CFTR: variants seen among roughly 807,000 people sequenced by gnomAD.
The protein encoded by CFTR is cystic fibrosis transmembrane conductance regulator.
A neutral mutation model predicts 171.6 loss-of-function variants in CFTR; 181 were observed. That is an observed-to-expected ratio of 1.05 (90% confidence interval 0.93 to 1.19). The LOEUF (loss-of-function observed/expected upper bound fraction) is 1.19. Ranked by LOEUF, CFTR falls within the 50% of genes most tolerant of loss-of-function variation. CFTR has a pLI of 0.00. For missense variants in CFTR, 1,968 were observed against 1,734.7 expected, an observed-to-expected ratio of 1.13 and a Z score of -2.39; for synonymous variants, 583 against 608.0, an observed-to-expected ratio of 0.96 and a Z score of 0.60.
chr7:117,559,640 A>G lies in CFTR; in HGVS notation c.1569A>G (p.Ala523=). The change falls in exon 11 of 27, where the codon GCA becomes GCG. Residue 523 remains alanine (A), a synonymous_variant. Coordinates refer to ENST00000003084, the MANE Select transcript of CFTR (RefSeq NM_000492.4). Reference sequence around the variant, plus strand: ...ATAGATACAGAAGCGTCATCAAAGCATGCCAACTAGAAGAGGTAAGAAACT... The same window carrying G: ...ATAGATACAGAAGCGTCATCAAAGCGTGCCAACTAGAAGAGGTAAGAAACT... ...DEYRYRSVIK[A]CQLEEDISKF... is the part of the protein sequence containing the mutation. 1 of 1,612,844 alleles carries G rather than the reference A, an allele frequency of 6.2e-7. No homozygotes were observed. Among genetic ancestry groups the G allele is most frequent in the South Asian group, 1.1e-5 (1 of 91,054 alleles).
At chr7:117,637,854 G>A (rs1221399468) in intron 22 of CFTR, among the ~76,000 whole-genome samples, 1 of 151,992 alleles carries the variant, frequency 6.6e-6, no homozygotes, top group Non-Finnish European at 1.5e-5. Flanking sequence ...TCTAGTCTGG[G>A]TGACAGAGCA....
chr7:117,540,264 T>C lies in CFTR; in HGVS notation c.1034T>C (p.Val345Ala). 1 of 1,614,098 alleles carries C rather than the reference T, an allele frequency of 6.2e-7. No homozygotes were observed. Among genetic ancestry groups the C allele is most frequent in the Non-Finnish European group, 8.5e-7 (1 of 1,179,956 alleles). The stretch of plus-strand genomic sequence containing the variant: ...TTCACCACCATCTCATTCTGCATTG[T>C]TCTGCGCATGGCGGTCACTCGGCAA... ...KIFTTISFCI[V>A]LRMAVTRQFP... The change falls in exon 8 of 27, where the codon GTT becomes GCT. Residue 345 changes from valine to alanine, a missense_variant. By Grantham distance (64) the Val-to-Ala change is moderately conservative. Coordinates refer to ENST00000003084, the MANE Select transcript of CFTR (RefSeq NM_000492.4).
chr7:117,593,445 G>A (rs1350972518), intron 14 of CFTR, among the ~76,000 whole-genome samples: 2 of 152,260 alleles, frequency 1.3e-5, no homozygotes, highest in East Asian at 1.9e-4. Context: ...CCTTTGACAA[G>A]ACACAAGCCA....
chr7:117,628,519 G>A (rs989799279), intron 22 of CFTR, among the ~76,000 whole-genome samples: 1 of 151,938 alleles, frequency 6.6e-6, no homozygotes, highest in Non-Finnish European at 1.5e-5. Context: ...AAATAAAAGG[G>A]AGCTGAAAAC....
chr7:117,578,883 C>T (rs1196512683), intron 11 of CFTR, among the ~76,000 whole-genome samples: 2 of 151,966 alleles, frequency 1.3e-5, no homozygotes, highest in Non-Finnish European at 2.9e-5. Flanking sequence ...ATATGTTAAA[C>T]CCTTCTAATA....
At chr7:117,548,316 C>T (rs62469439) in intron 9 of CFTR, among the ~76,000 whole-genome samples, 3 of 144,836 alleles carry the variant, frequency 2.1e-5, no homozygotes, top group Non-Finnish European at 3.1e-5. Flanking sequence ...TTATGTACCC[C>T]GCTTATAGGA....
intron 11 of CFTR, among the ~76,000 whole-genome samples, chr7:117,583,317 C>G (rs371981744): frequency 4.6e-5 from 7 of 151,696 alleles, no homozygotes; most frequent in Admixed American, 2.0e-4. Flanking sequence ...TCTTTTATCC[C>G]CCCCCCGCTC....
Position 117,603,686 on chromosome 7 carries a change from G to T in CFTR, c.2812G>T (p.Val938Leu), listed in dbSNP as rs749784731. The T allele has an allele frequency of 1.2e-6, 2 of 1,614,054 alleles. No homozygotes were observed. Among genetic ancestry groups the T allele is most frequent in the East Asian group, 4.5e-5 (2 of 44,880 alleles). The change falls in exon 17 of 27, where the codon GTG becomes TTG. Residue 938 changes from valine (V) to leucine (L), a missense_variant. Transcript: ENST00000003084. ...GGGATTCTTCAGAGGTCTACCACTG[G>T]TGCATACTCTAATCACAGTGTCGAA... Reference protein sequence around the residue: ...AMGFFRGLPLVHTLITVSKIL... With the variant: ...AMGFFRGLPLLHTLITVSKIL...
At chr7:117,590,743 A>C (rs1792013683) in intron 13 of CFTR, among the ~76,000 whole-genome samples, 1 of 152,044 alleles carries the variant, frequency 6.6e-6, no homozygotes, top group Non-Finnish European at 1.5e-5. Context: ...TATTACTTTA[A>C]TTATTATTAT....
At chr7:117,602,698 A>G in intron 15 of CFTR, 128 bp from the exon 16 acceptor site, 1 of 836,764 alleles carries the variant, frequency 1.2e-6, no homozygotes, top group Admixed American at 1.7e-5. Context: ...AAGCAAAGGA[A>G]GATGAAATTG....
chr7:117,637,222 GT>G (rs35433853), intron 22 of CFTR, among the ~76,000 whole-genome samples: 95 of 143,158 alleles, frequency 6.6e-4, no homozygotes, highest in Middle Eastern at 7.1e-3. Flanking sequence ...TTCAAATGGT[GT>G]TTTTTTTTTT....
chr7:117,498,515 A>G (rs370898758), intron 1 of CFTR, among the ~76,000 whole-genome samples: 2 of 152,210 alleles, frequency 1.3e-5, no homozygotes, highest in East Asian at 1.9e-4. Flanking sequence ...AGAGAGCTGG[A>G]TAGTATCACT....
At chr7:117,510,422 A>T (rs552454389) in intron 3 of CFTR, among the ~76,000 whole-genome samples, 2 of 152,314 alleles carry the variant, frequency 1.3e-5, no homozygotes, top group African/African-American at 4.8e-5. Flanking sequence ...CATATAAATC[A>T]TGTAAGTATA....
chr7:117,643,969 T>A (rs1218034474), intron 23 of CFTR, among the ~76,000 whole-genome samples: 2 of 152,194 alleles, frequency 1.3e-5, no homozygotes, highest in Non-Finnish European at 2.9e-5. Context: ...TAGGAACGTA[T>A]ATATGCAAGA....
intron 22 of CFTR, among the ~76,000 whole-genome samples, chr7:117,638,769 T>TAAATAAATAAA (rs1344490071): frequency 7.5e-6 from 1 of 132,516 alleles, no homozygotes; most frequent in African/African-American, 3.0e-5. Context: ...AAATAAATAA[T>TAAATAAATAAA]AAAAATAAAA....
chr7:117,603,918 T>G, intron 17 of CFTR, 136 bp downstream of exon 17: 1 of 876,026 alleles, frequency 1.1e-6, no homozygotes. Context: ...TTGACTGGCA[T>G]GCACATGTCT....
chr7:117,620,339 G>A (rs1384974774), intron 21 of CFTR, among the ~76,000 whole-genome samples: 1 of 152,164 alleles, frequency 6.6e-6, no homozygotes, highest in Non-Finnish European at 1.5e-5. Context: ...AGTTTGATGA[G>A]AAGTTTTCTA....
At chr7:117,573,598 G>A (rs1360715688) in intron 11 of CFTR, among the ~76,000 whole-genome samples, 2 of 152,088 alleles carry the variant, frequency 1.3e-5, no homozygotes, top group African/African-American at 4.8e-5. Context: ...CTCCCCAGGT[G>A]ATTCTGAAAT....
intron 9 of CFTR, 101 bp downstream of exon 9, chr7:117,542,209 A>G (rs561408971): frequency 2.8e-6 from 2 of 711,566 alleles, no homozygotes; most frequent in African/African-American, 1.8e-5. Context: ...GAATGATGAT[A>G]TAACTGGTAG....
Sources: gnomAD v4.1 joint callset for allele counts (sites outside exome capture counted in the v4.1 genomes callset) on GRCh38, gnomAD v4.1.1 for gene constraint, MANE v1.5 for transcripts, NCBI Gene and HGNC (gene_info 2026-07-23, HGNC 2026-07-21) for gene names.